MCPH1: variants seen among roughly 807,000 people sequenced by gnomAD.
MCPH1 encodes the protein microcephalin.
A neutral mutation model predicts 84.5 loss-of-function variants in MCPH1; 104 were observed. That is an observed-to-expected ratio of 1.23 (90% CI 1.05 to 1.45). The LOEUF (loss-of-function observed/expected upper bound fraction) is 1.45. MCPH1 is among the 40% of genes most tolerant of loss of function. The pLI is 0.00. For missense variants in MCPH1, 1,498 were observed against 1,005.7 expected, an observed-to-expected ratio of 1.49 and a Z score of -6.62; for synonymous variants, 514 against 366.8, an observed-to-expected ratio of 1.40 and a Z score of -4.58.
intron 11 of MCPH1, among the ~76,000 whole-genome samples, chr8:6,499,063 A>T (rs199924144): frequency 1.6e-5 from 2 of 128,302 alleles, no homozygotes; most frequent in African/African-American, 2.7e-5. Context: ...AAAAATAAAT[A>T]AATTAAATAA....
At chr8:6,514,944 T>A (rs1380071300) in intron 12 of MCPH1, among the ~76,000 whole-genome samples, 2 of 152,138 alleles carry the variant, frequency 1.3e-5, no homozygotes, top group Non-Finnish European at 2.9e-5. Flanking sequence ...ACAGATGGTT[T>A]CAAATAAATT....
intron 9 of MCPH1, among the ~76,000 whole-genome samples, chr8:6,458,239 G>A (rs1365057703): frequency 6.6e-6 from 1 of 152,124 alleles, no homozygotes; most frequent in Non-Finnish European, 1.5e-5. Flanking sequence ...TTGGGAGGCT[G>A]AGGTGGGCAG....
chr8:6,409,046 G>C lies in MCPH1; in HGVS notation c.23-233G>C, dbSNP rs148784485. Among the ~76,000 whole-genome samples, 1,610 of 151,996 alleles carry C rather than the reference G, an allele frequency of 0.011. 25 individuals carry two copies. Among genetic ancestry groups the C allele is most frequent in the African/African-American group, 0.036 (1,496 of 41,416 alleles). ...ATTACAGGTGCCCGCCACCATGCTC[G>C]GCTAATTTTTTGTATCTTTTAGTAG... On this transcript the variant is annotated intron_variant, in intron 1 of 13. Transcript: ENST00000344683.
In MCPH1 at chr8:6,549,040, C is replaced by T. The variant is rs564060925; in HGVS notation, c.2214+49111C>T. Among the ~76,000 whole-genome samples, 299 of 152,278 alleles carry T rather than the reference C, an allele frequency of 2.0e-3. 2 individuals are homozygous for T. The highest frequency in any genetic ancestry group is 3.5e-3 in the Non-Finnish European group (236 of 68,020). On this transcript the variant is annotated intron_variant, in intron 12 of 13. Transcript: ENST00000344683. ...CGGAATAAACACCAAGACCACTCAG[C>T]GTATTTTCTGCAGAGTGGATTTCAT... is the stretch of plus-strand genomic sequence containing the variant.
chr8:6,605,082 C>G (rs758071631), intron 12 of MCPH1, among the ~76,000 whole-genome samples: 6 of 152,132 alleles, frequency 3.9e-5, no homozygotes, highest in Non-Finnish European at 8.8e-5. Context: ...CTGACCTCTC[C>G]CTGTGAGTCT....
chr8:6,631,057 G>A (rs955992229), intron 13 of MCPH1, among the ~76,000 whole-genome samples: 6 of 152,168 alleles, frequency 3.9e-5, no homozygotes, highest in East Asian at 3.9e-4. Flanking sequence ...AATGCATACG[G>A]CAACCAGGCA....
intron 10 of MCPH1, among the ~76,000 whole-genome samples, chr8:6,478,528 A>G (rs949613809): frequency 1.3e-5 from 2 of 152,162 alleles, no homozygotes; most frequent in African/African-American, 4.8e-5. Flanking sequence ...AAAACTTTTC[A>G]TTTAGGCCGT....
intron 12 of MCPH1, among the ~76,000 whole-genome samples, chr8:6,544,182 A>G (rs1822118053): frequency 6.6e-6 from 1 of 152,250 alleles, no homozygotes; most frequent in African/African-American, 2.4e-5. Context: ...GTACGAATCA[A>G]CATATTTACC....
At chr8:6,517,865 G>A (rs544048452) in intron 12 of MCPH1, among the ~76,000 whole-genome samples, 5 of 152,336 alleles carry the variant, frequency 3.3e-5, no homozygotes, top group African/African-American at 1.2e-4. Flanking sequence ...GTCTGGAAGG[G>A]AATTTAGAAG....
chr8:6,519,058 T>A (rs1816822756), intron 12 of MCPH1, among the ~76,000 whole-genome samples: 1 of 152,190 alleles, frequency 6.6e-6, no homozygotes, highest in African/African-American at 2.4e-5. Flanking sequence ...CCACTCACGT[T>A]ACATGCAGTA....
At chr8:6,599,309 C>G (rs924050248) in intron 12 of MCPH1, among the ~76,000 whole-genome samples, 2 of 152,162 alleles carry the variant, frequency 1.3e-5, no homozygotes, top group African/African-American at 4.8e-5. Flanking sequence ...CCAAGTGACT[C>G]AGGCTTACTT....
At chr8:6,514,824 C>A (rs1240643624) in intron 12 of MCPH1, 7 of 1,527,480 alleles carry the variant, frequency 4.6e-6, no homozygotes, top group African/African-American at 4.1e-5. Flanking sequence ...CCCCCCACTC[C>A]CCCCTTACGT....
intron 12 of MCPH1, among the ~76,000 whole-genome samples, chr8:6,522,875 TG>T (rs1355427569): frequency 6.6e-6 from 1 of 152,224 alleles, no homozygotes; most frequent in Non-Finnish European, 1.5e-5. Context: ...CAGAACTTTC[TG>T]ACTCTGAAAT....
In MCPH1 at chr8:6,446,414, G is replaced by A. The variant is rs145862006; in HGVS notation, c.1825+867G>A. On this transcript the variant is annotated intron_variant, in intron 8 of 13. Transcript: ENST00000344683. ...TTGAAGGTGGAGAAGTCATGGTAGC[G>A]TTTGAAATCATCACAGACATGTTAC... 1.9e-5 allele frequency: 19 copies of A among 985,264 alleles called. No homozygotes were observed. In the African/African-American group the frequency reaches 2.4e-4, roughly 13 times the overall value. The allele number at this position is 985,264 out of a possible 1,614,324, so 61.0% of individuals were successfully genotyped here.
intron 12 of MCPH1, chr8:6,562,915 A>C: frequency 6.3e-7 from 1 of 1,592,246 alleles, no homozygotes. Flanking sequence ...GCTCAGAGTA[A>C]AGAAAACAAT....
In MCPH1 at chr8:6,445,233, A is replaced by T; in HGVS notation, c.1511A>T (p.Glu504Val). 1 of 1,614,236 alleles carries T rather than the reference A, an allele frequency of 6.2e-7. No homozygotes were observed. The highest frequency in any genetic ancestry group is 2.2e-5 in the East Asian group (1 of 44,890). Residue 504 changes from glutamate (E) to valine (V), a missense_variant, in exon 8 of 14, where the codon GAA becomes GTA. Glu to Val is a moderately radical substitution (Grantham distance 121, BLOSUM62 -2). Transcript: ENST00000344683. ...ATSSCVTSAP[E>V]EALRCCRQAG... Reference sequence around the variant, plus strand: ...TCGAGTTGCGTGACTTCTGCCCCTGAAGAAGCCCTAAGGTGTTGTAGACAG... The same window carrying T: ...TCGAGTTGCGTGACTTCTGCCCCTGTAGAAGCCCTAAGGTGTTGTAGACAG...
intron 11 of MCPH1, among the ~76,000 whole-genome samples, chr8:6,483,323 G>C (rs954206419): frequency 6.6e-6 from 1 of 152,156 alleles, no homozygotes; most frequent in Non-Finnish European, 1.5e-5. Flanking sequence ...AGACAAACTG[G>C]TTCTAAAATT....
At chr8:6,586,813 G>A (rs1473707411) in intron 12 of MCPH1, among the ~76,000 whole-genome samples, 7 of 152,208 alleles carry the variant, frequency 4.6e-5, no homozygotes, top group Non-Finnish European at 7.3e-5. Context: ...ACAGGTTGAA[G>A]GGATGAGAGA....
At chr8:6,642,785 A>G in intron 13 of MCPH1, 1 of 620,596 alleles carries the variant, frequency 1.6e-6, no homozygotes, top group Non-Finnish European at 2.9e-6. Flanking sequence ...GGCCAGTGTG[A>G]CTGAGAACTG....
Sources: gnomAD v4.1 joint callset for allele counts (sites outside exome capture counted in the v4.1 genomes callset) on GRCh38, gnomAD v4.1.1 for gene constraint, MANE v1.5 for transcripts, NCBI Gene and HGNC (gene_info 2026-07-23, HGNC 2026-07-21) for gene names.